Variants in CHTF18 observed in about 807,000 individuals in gnomAD.
CHTF18 encodes chromosome transmission fidelity protein 18 homolog.
In CHTF18, 151 loss-of-function variants were observed where a neutral mutation model predicts 113.4. The ratio of observed to expected loss-of-function variants is 1.33; its 90% CI spans 1.17 to 1.52. CHTF18 has a LOEUF of 1.52. Among genes scored for constraint, CHTF18 ranks in the 40% most tolerant of loss-of-function variants. The pLI is 0.00. For synonymous variants in CHTF18, 916 were observed against 598.8 expected (o/e 1.53, Z -7.74); for missense variants, 1,982 against 1,381.6 (o/e 1.43, Z -6.89).
chr16:793,691 T>C (rs2042263287), intron 14 of CHTF18: 2 of 585,900 alleles, frequency 3.4e-6, no homozygotes, highest in Non-Finnish European at 3.2e-6. Flanking sequence ...TGACGTGCCA[T>C]GGGACCCCAG....
At chr16:793,375 A>G in intron 14 of CHTF18, 101 bp downstream of exon 14, 1 of 1,442,718 alleles carries the variant, frequency 6.9e-7, no homozygotes, top group South Asian at 1.3e-5. Flanking sequence ...GCGGGGACTC[A>G]GTGTCCTGAG....
Position 791,352 on chromosome 16 carries a change from C to T in CHTF18, c.1086C>T (p.Ser362=), listed in dbSNP as rs773811024. ...TGCTGGAGGCTGGGCTGGACCCGAG[C>T]CAGCGACCGAAGCAGAAGGTGAGCC... The part of the protein sequence containing the change: ...EEMLEAGLDP[S]QRPKQKVALL... Residue 362 remains serine (S), a synonymous_variant, in exon 8 of 22, where the codon AGC becomes AGT. Coordinates refer to ENST00000262315, the MANE Select transcript of CHTF18 (RefSeq NM_022092.3). The T allele has an allele frequency of 8.1e-6, 13 of 1,604,652 alleles. No homozygotes were observed. In the Admixed American group the frequency reaches 1.7e-4, roughly 21 times the overall value.
Position 790,237 on chromosome 16 carries a change from T to G in CHTF18, c.667T>G (p.Leu223Val). 2 of 1,606,738 alleles carry G rather than the reference T, an allele frequency of 1.2e-6. No homozygotes were observed. The highest frequency in any genetic ancestry group is 1.7e-6 in the Non-Finnish European group (2 of 1,177,510). Residue 223 changes from leucine (L) to valine (V), a missense_variant, in exon 5 of 22, where the codon TTA becomes GTA. Coordinates refer to ENST00000262315, the MANE Select transcript of CHTF18 (RefSeq NM_022092.3). ...CCAGCTGGACCTGCTGGGTGTGTCC[T>G]TAGCCTCCCTGAAGAAGCAGGTCGA... is the stretch of plus-strand genomic sequence containing the variant. ...GGQLDLLGVS[L>V]ASLKKQVDGE...
chr16:793,390 C>G, intron 14 of CHTF18, 116 bp downstream of exon 14: 2 of 1,361,054 alleles, frequency 1.5e-6, no homozygotes, highest in Non-Finnish European at 2.0e-6. Flanking sequence ...CCTGAGCCCG[C>G]GGTTGCCTGG....
At position 797,770 on chromosome 16, in the gene CHTF18, T is replaced by TGGGGTTGTGGGGGGCCTG. The variant is rs749381692; in HGVS notation, c.2791+34_2792-37dup. 4.4e-6 allele frequency: 3 copies of TGGGGTTGTGGGGGGCCTG among 686,564 alleles called. No individual in the cohort carries two copies. The South Asian group carries it at 4.5e-5, about 10-fold the overall frequency. The allele number at this position is 686,564 out of a possible 1,614,324, so 42.5% of individuals were successfully genotyped here. On this transcript the variant is annotated intron_variant, in intron 21 of 21. Transcript: ENST00000262315. ...AGTGCAGGTGTGTGTGGGGGTGTTG[T>TGGGGTTGTGGGGGGCCTG]GGGGTTGTGGGGGGCCTGGGGGTTG...
At position 797,067 on chromosome 16, in the gene CHTF18, TGAGGC is replaced by T; in HGVS notation, c.2712_2716del (p.Arg904SerfsTer8). ...CATGAGCAGCGGCTGGAGCACATCA[TGAGGC>T]GAGCGGCCCGGGAGGAACAGGTGTG... is the stretch of plus-strand genomic sequence containing the variant. On this transcript the variant is annotated frameshift_variant, in exon 20 of 22. Transcript: ENST00000262315. LOFTEE classifies it high-confidence loss of function. 3.2e-6 allele frequency: 5 copies of T among 1,544,380 alleles called. No individual in the cohort carries two copies. The highest frequency in any genetic ancestry group is 4.4e-6 in the Non-Finnish European group (5 of 1,147,264).
At chr16:793,913 C>T (rs2042268056) in intron 14 of CHTF18, 141 bp from the exon 15 acceptor site, 5 of 943,112 alleles carry the variant, frequency 5.3e-6, no homozygotes, top group Non-Finnish European at 6.3e-6. Context: ...CTGTCTCCAC[C>T]TGAGCGAGGC....
chr16:792,420 T>C lies in CHTF18; in HGVS notation c.1327-19T>C. 1 of 1,559,430 alleles carries C rather than the reference T, an allele frequency of 6.4e-7. No homozygotes were observed. The highest frequency in any genetic ancestry group is 8.7e-7 in the Non-Finnish European group (1 of 1,152,318). ...GGCAGCAGGGCCTGGACTCACCGTG[T>C]CCTCTGACCTCCCCCAAGGCCGCCA... On this transcript the variant is annotated intron_variant, in intron 10 of 21. Coordinates refer to ENST00000262315, the MANE Select transcript of CHTF18 (RefSeq NM_022092.3).
In CHTF18 at chr16:796,117, C is replaced by T. The variant is rs745951243; in HGVS notation, c.2456+40C>T. ...GCCTGGGGTGTGCTCCAGGGTCATG[C>T]TCCCCGGCTGTGCTCCATGTTCAGG... On this transcript the variant is annotated intron_variant, in intron 18 of 21. Coordinates refer to ENST00000262315, the MANE Select transcript of CHTF18 (RefSeq NM_022092.3). 5.8e-5 allele frequency: 91 copies of T among 1,574,808 alleles called. No individual in the cohort carries two copies. The East Asian group carries it at 1.7e-3, about 30-fold the overall frequency.
At position 789,332 on chromosome 16, in the gene CHTF18, G is replaced by A. The variant is rs2042099347; in HGVS notation, c.409G>A (p.Glu137Lys). The A allele has an allele frequency of 6.2e-7, 1 of 1,601,936 alleles. No individual in the cohort carries two copies. The highest frequency in any genetic ancestry group is 2.2e-5 in the East Asian group (1 of 44,636). ...GGACATCACCCCGCCGCCGAGCCCTGAGGACCTCGCAGAGCTTTGGGGCCA... is the reference window on the plus strand; with the variant it reads ...GGACATCACCCCGCCGCCGAGCCCTAAGGACCTCGCAGAGCTTTGGGGCCA... ...PTDITPPPSP[E>K]DLAELWGHGV... The change falls in exon 3 of 22, where the codon GAG becomes AAG. Residue 137 changes from glutamate (E) to lysine (K), a missense_variant. Coordinates refer to ENST00000262315, the MANE Select transcript of CHTF18 (RefSeq NM_022092.3).
rs762543230 is a variant in CHTF18 at position 790,507 on chromosome 16, G to A, written c.753-18G>A. ...GTCCCTGCGAGTTGTTTGTGGCTCA[G>A]GACGTGGTCCTCTCCAGTCTCAGGT... On this transcript the variant is annotated intron_variant, in intron 6 of 21. Transcript: ENST00000262315. 7 of 1,604,520 alleles carry A rather than the reference G, an allele frequency of 4.4e-6. No homozygotes were observed. The Admixed American group carries it at 1.2e-4, about 27-fold the overall frequency.
intron 20 of CHTF18, 116 bp from the exon 21 acceptor site, chr16:797,578 T>G: frequency 9.2e-7 from 1 of 1,092,184 alleles, no homozygotes; most frequent in Non-Finnish European, 1.3e-6. Flanking sequence ...TTCCGAAAGG[T>G]GTCTCAGAGG....
rs760098810 is a variant in CHTF18 at position 794,034 on chromosome 16, C to T, written c.1803-20C>T. The T allele has an allele frequency of 5.0e-6, 8 of 1,604,290 alleles. No individual in the cohort carries two copies. The African/African-American group carries it at 6.7e-5, about 13-fold the overall frequency. On this transcript the variant is annotated intron_variant, in intron 14 of 21. Coordinates refer to ENST00000262315, the MANE Select transcript of CHTF18 (RefSeq NM_022092.3). ...GTGCTTTTAACACGGGTCCATCTAG[C>T]TTCAGCACCCCACCTGCAGGCGCCG...
intron 8 of CHTF18, 98 bp downstream of exon 8, chr16:791,468 TGTG>T: frequency 1.4e-6 from 2 of 1,461,786 alleles, no homozygotes; most frequent in Admixed American, 4.8e-5. Flanking sequence ...GAGCCGTGGG[TGTG>T]GTGACGTGTG....
At chr16:793,094 G>T (rs1281715321) in intron 13 of CHTF18, 30 bp downstream of exon 13, 6 of 1,566,898 alleles carry the variant, frequency 3.8e-6, no homozygotes, top group African/African-American at 1.4e-5. Context: ...CGGGTGGGGT[G>T]GGGTGGGGTC....
At position 792,573 on chromosome 16, in the gene CHTF18, C is replaced by G. The variant is rs764864027; in HGVS notation, c.1461C>G (p.Ile487Met). ...GGGGGCTCCTCATGAGGCCCATTAT[C>G]TGCATTTGCAATGACCAGTGAGTGC... The part of the protein sequence containing the change: ...AEGGLLMRPI[I>M]CICNDQFAPS... Residue 487 changes from isoleucine to methionine, a missense_variant, in exon 11 of 22, where the codon ATC (isoleucine) becomes ATG (methionine). Ile to Met is a conservative substitution (Grantham distance 10). Transcript: ENST00000262315. 3.8e-6 allele frequency: 6 copies of G among 1,595,994 alleles called. No homozygotes were observed. The highest frequency in any genetic ancestry group is 1.7e-4 in the Middle Eastern group (1 of 5,960).
chr16:797,657 C>T (rs770056234), intron 20 of CHTF18, 37 bp from the exon 21 acceptor site: 7 of 1,607,570 alleles, frequency 4.4e-6, no homozygotes, highest in South Asian at 2.2e-5. Context: ...GATGGGGCAT[C>T]TGTCCTATAC....
At position 795,155 on chromosome 16, in the gene CHTF18, TCTGCGG is replaced by T; in HGVS notation, c.1980_1985del (p.Leu661_Arg662del). 3 of 1,553,018 alleles carry T rather than the reference TCTGCGG, an allele frequency of 1.9e-6. No homozygotes were observed. Among genetic ancestry groups the T allele is most frequent in the East Asian group, 2.4e-5 (1 of 41,266 alleles). On this transcript the variant is annotated inframe_deletion, in exon 16 of 22. Coordinates refer to ENST00000262315, the MANE Select transcript of CHTF18 (RefSeq NM_022092.3). Reference sequence around the variant, plus strand: ...AGGGCTTGTTTGACAACTTCCTGCGTCTGCGGCTGCGAGACTCCAGCCTGGGTGCTG... The same window carrying T: ...AGGGCTTGTTTGACAACTTCCTGCGTCTGCGAGACTCCAGCCTGGGTGCTG...
In CHTF18 at chr16:792,703, G is replaced by T. The variant is rs750769980; in HGVS notation, c.1479-15G>T. 1.3e-6 allele frequency: 2 copies of T among 1,571,574 alleles called. No individual in the cohort carries two copies. The highest frequency in any genetic ancestry group is 2.3e-5 in the South Asian group (2 of 87,406). The stretch of plus-strand genomic sequence containing the variant: ...TGCCAACCCTGGGGTCCCTGGCCCT[G>T]CCGCCTCTCCTCAGGTTCGCACCGT... On this transcript the variant is annotated splice_polypyrimidine_tract_variant and intron_variant, in intron 11 of 21. Transcript: ENST00000262315.
Sources: gnomAD v4.1 joint callset for allele counts on GRCh38, gnomAD v4.1.1 for gene constraint, MANE v1.5 for transcripts, NCBI Gene and HGNC (gene_info 2026-07-23, HGNC 2026-07-21) for gene names.